Variants in FBH1 observed in about 807,000 individuals in gnomAD.
FBH1 encodes the protein F-box DNA helicase 1, also known as DNA 3'-5' helicase 1.
FBH1 carries 43 observed loss-of-function variants against 115.5 expected under a neutral mutation model. The ratio of observed to expected loss-of-function variants is 0.37; its 90% CI spans 0.29 to 0.48. The LOEUF (loss-of-function observed/expected upper bound fraction) is 0.48, where lower values mean the gene tolerates loss of function less well. Ranked by LOEUF, FBH1 falls within the 20% of genes least tolerant of loss-of-function variation. FBH1 has a pLI of 0.99. For missense variants in FBH1, 1,001 were observed against 1,337.3 expected (o/e 0.75, Z 3.92); for synonymous variants, 524 against 507.8 (o/e 1.03, Z -0.43).
At chr10:5,892,561 G>A (rs1842793086) in intron 1 of FBH1, among the ~76,000 whole-genome samples, 1 of 152,152 alleles carries the variant, frequency 6.6e-6, no homozygotes. Context: ...TCATTCACAT[G>A]CCTTTTGAAG....
At position 5,936,466 on chromosome 10, in the gene FBH1, T is replaced by C; in HGVS notation, c.2840T>C (p.Leu947Ser). 1 of 1,613,870 alleles carries C rather than the reference T, an allele frequency of 6.2e-7. No individual in the cohort carries two copies. The highest frequency in any genetic ancestry group is 8.5e-7 in the Non-Finnish European group (1 of 1,179,924). ...NILTLAGEYF[L>S]QAELTSNVLK... ...CTCTTTCTTTCTCAGGAGTACTTCT[T>C]GCAAGCAGAGCTGACAAGCAACGTC... The change falls in exon 20 of 21, where the codon TTG becomes TCG. Residue 947 changes from leucine (L) to serine (S), a missense_variant. Physicochemically the swap from Leu to Ser is moderately radical, Grantham distance 145 (BLOSUM62 -2). Coordinates refer to ENST00000362091, the MANE Select transcript of FBH1 (RefSeq NM_178150.3). This position sits in a 1 kb window ranked among gnomAD's most constrained non-coding sequence, Gnocchi z 5.6.
intron 19 of FBH1, chr10:5,929,331 T>G (rs1832836326): frequency 6.6e-6 from 1 of 152,228 alleles, no homozygotes; most frequent in African/African-American, 2.4e-5. Flanking sequence ...TTAGCTTGCA[T>G]GTGTATCCCA....
Position 5,914,059 on chromosome 10 carries a change from G to A in FBH1, c.1305-119G>A, listed in dbSNP as rs1831775627. On this transcript the variant is annotated intron_variant, in intron 7 of 20. Transcript: ENST00000362091. The surrounding 1 kb of genome is among the most constrained non-coding windows in gnomAD (Gnocchi z 5.2). Reference sequence around the variant, plus strand: ...GAACATGTTTATTCTCGTAAGGGGAGGCCTTTTTTTTGGTCAGCTTTTGTT... The same window carrying A: ...GAACATGTTTATTCTCGTAAGGGGAAGCCTTTTTTTTGGTCAGCTTTTGTT... The A allele has an allele frequency of 1.0e-6, 1 of 967,396 alleles. No individual in the cohort carries two copies. Among genetic ancestry groups the A allele is most frequent in the Non-Finnish European group, 1.6e-6 (1 of 628,440 alleles). 59.9% of individuals were successfully genotyped at this position (967,396 alleles called of 1,614,324 possible).
intron 2 of FBH1, among the ~76,000 whole-genome samples, chr10:5,903,578 C>G (rs1028598802): frequency 6.6e-6 from 1 of 152,110 alleles, no homozygotes; most frequent in Admixed American, 6.5e-5. Flanking sequence ...ATCCACCCGC[C>G]TCGGCCTCCC....
In FBH1 at chr10:5,937,098, C is replaced by T. The variant is rs536562830; in HGVS notation, c.2962-12C>T. On this transcript the variant is annotated splice_polypyrimidine_tract_variant and intron_variant, in intron 20 of 20. Coordinates refer to ENST00000362091, the MANE Select transcript of FBH1 (RefSeq NM_178150.3). ...TGTTCCCCTTAGCTCTCTCTCTTGTCCATCACCACAGAGCAACAGGAAGGA... is the reference window on the plus strand; with the variant it reads ...TGTTCCCCTTAGCTCTCTCTCTTGTTCATCACCACAGAGCAACAGGAAGGA... 1.0e-5 allele frequency: 16 copies of T among 1,584,698 alleles called. No homozygotes were observed. In the South Asian group the frequency reaches 1.8e-4, roughly 18 times the overall value.
rs1489357871 is a variant in FBH1 at position 5,918,438 on chromosome 10, T to C, written c.2060T>C (p.Leu687Pro). 1 of 1,610,374 alleles carries C rather than the reference T, an allele frequency of 6.2e-7. No homozygotes were observed. The highest frequency in any genetic ancestry group is 8.5e-7 in the Non-Finnish European group (1 of 1,178,974). Residue 687 changes from leucine (L) to proline (P), a missense_variant, in exon 13 of 21, where the codon CTG (leucine) becomes CCG (proline). Physicochemically the swap from Leu to Pro is moderately conservative, Grantham distance 98. Transcript: ENST00000362091. The surrounding 1 kb of genome is among the most constrained non-coding windows in gnomAD (Gnocchi z 4.0). The part of the protein sequence containing the change: ...IYTFRGAVNA[L>P]FTVPHTHVFY... ...ACCTTCCGGGGTGCGGTCAACGCCC[T>C]GTTCACAGTGCCCCACACCCACGTC...
chr10:5,925,383 T>G lies in FBH1; in HGVS notation c.2613T>G (p.Thr871=). ...DLDFAEYILG[T]VHKAKGLEFD... ...TTATCCTAGAGTACATTCTGGGCAC[T>G]GTGCACAAAGCCAAAGGCCTGGAGT... The change falls in exon 18 of 21, where the codon ACT becomes ACG. Residue 871 remains threonine (T), a synonymous_variant. Coordinates refer to ENST00000362091, the MANE Select transcript of FBH1 (RefSeq NM_178150.3). The surrounding 1 kb of genome is among the most constrained non-coding windows in gnomAD (Gnocchi z 4.6). 1.2e-6 allele frequency: 2 copies of G among 1,614,182 alleles called. No homozygotes were observed. The highest frequency in any genetic ancestry group is 1.7e-6 in the Non-Finnish European group (2 of 1,180,016).
rs768860092 is a variant in FBH1, at chr10:5,917,566, C to T, written c.1877-24C>T. Reference sequence around the variant, plus strand: ...TGGGACTGCCTTCCTGGCGTTACAACTCCTGCGTCTCTCCTTATTTTAGGC... The same window carrying T: ...TGGGACTGCCTTCCTGGCGTTACAATTCCTGCGTCTCTCCTTATTTTAGGC... On this transcript the variant is annotated intron_variant, in intron 11 of 20. Transcript: ENST00000362091. This position sits in a 1 kb window ranked among gnomAD's most constrained non-coding sequence, Gnocchi z 5.6. 6.2e-7 allele frequency: 1 copy of T among 1,613,718 alleles called. No individual in the cohort carries two copies. Among genetic ancestry groups the T allele is most frequent in the Non-Finnish European group, 8.5e-7 (1 of 1,179,708 alleles).
At position 5,910,615 on chromosome 10, in the gene FBH1, C is replaced by CT. The variant is rs1831522727; in HGVS notation, c.1021-322dup. On this transcript the variant is annotated intron_variant, in intron 5 of 20. Coordinates refer to ENST00000362091, the MANE Select transcript of FBH1 (RefSeq NM_178150.3). The surrounding 1 kb of genome is among the most constrained non-coding windows in gnomAD (Gnocchi z 4.8). Reference sequence around the variant, plus strand: ...ATATGGACCTGAGAGCCCCCATGGCCTGGAGAGTAGGGTGGGGAGATGACA... The same window carrying CT: ...ATATGGACCTGAGAGCCCCCATGGCCTTGGAGAGTAGGGTGGGGAGATGACA... Among the ~76,000 whole-genome samples the CT allele has an allele frequency of 6.6e-6, 1 of 152,094 alleles. No individual in the cohort carries two copies. Among genetic ancestry groups the CT allele is most frequent in the Non-Finnish European group, 1.5e-5 (1 of 68,024 alleles).
chr10:5,898,715 C>T (rs1023656592), intron 1 of FBH1, among the ~76,000 whole-genome samples: 3 of 152,186 alleles, frequency 2.0e-5, no homozygotes, highest in Admixed American at 2.0e-4. Flanking sequence ...TGGCCCAGAG[C>T]CCCACCACTT....
rs188884675 is a variant in FBH1, at chr10:5,901,121, G to C, written c.2-1899G>C. Reference sequence around the variant, plus strand: ...CAAAAAAAGAAAAAAGAAAAAAAAAGAAATGTTGAGTGAGATTCTGGCATT... The same window carrying C: ...CAAAAAAAGAAAAAAGAAAAAAAAACAAATGTTGAGTGAGATTCTGGCATT... On this transcript the variant is annotated intron_variant, in intron 1 of 20. Coordinates refer to ENST00000362091, the MANE Select transcript of FBH1 (RefSeq NM_178150.3). Among the ~76,000 whole-genome samples the C allele has an allele frequency of 1.7e-3, 259 of 150,966 alleles. 1 individual carries two copies. Among genetic ancestry groups the C allele is most frequent in the Middle Eastern group, 3.4e-3 (1 of 290 alleles).
At chr10:5,908,416 T>C (rs1843857829) in intron 3 of FBH1, among the ~76,000 whole-genome samples, 1 of 152,222 alleles carries the variant, frequency 6.6e-6, no homozygotes, top group Non-Finnish European at 1.5e-5. Context: ...AGCTATAGTT[T>C]TTCCCAGATT....
chr10:5,925,300 A>G lies in FBH1; in HGVS notation c.2597-67A>G. The stretch of plus-strand genomic sequence containing the variant: ...GTTCAGAGTCAAGTGGGAAACATGT[A>G]TGTTTTTGTCATCTTGTTTCTTTCC... On this transcript the variant is annotated intron_variant, in intron 17 of 20. Transcript: ENST00000362091. This position sits in a 1 kb window ranked among gnomAD's most constrained non-coding sequence, Gnocchi z 4.6. 6.3e-7 allele frequency: 1 copy of G among 1,577,624 alleles called. No homozygotes were observed. The highest frequency in any genetic ancestry group is 1.8e-5 in the Admixed American group (1 of 56,682).
At chr10:5,920,836 A>C (rs1450096563) in intron 13 of FBH1, among the ~76,000 whole-genome samples, 1 of 152,160 alleles carries the variant, frequency 6.6e-6, no homozygotes, top group Non-Finnish European at 1.5e-5. Flanking sequence ...TCAGACAGAA[A>C]ACCGCGTGGG....
At position 5,909,176 on chromosome 10, in the gene FBH1, A is replaced by T. The variant is rs1463882899; in HGVS notation, c.902A>T (p.Lys301Met). The change falls in exon 5 of 21, where the codon AAG becomes ATG. Residue 301 changes from lysine (K) to methionine (M), a missense_variant. Lys to Met is a moderately conservative substitution (Grantham distance 95). Transcript: ENST00000362091. The surrounding 1 kb of genome is among the most constrained non-coding windows in gnomAD (Gnocchi z 4.4). ...LNLIRYTATT[K>M]CSPSVDPERV... ...TCTTACAGATACACAGCCACCACTA[A>T]GTGCTCTCCGAGTGTGGATCCCGAG... 6.2e-7 allele frequency: 1 copy of T among 1,613,716 alleles called. No individual in the cohort carries two copies. Among genetic ancestry groups the T allele is most frequent in the Non-Finnish European group, 8.5e-7 (1 of 1,179,990 alleles).
At chr10:5,907,884 T>A (rs936240912) in intron 3 of FBH1, among the ~76,000 whole-genome samples, 2 of 152,234 alleles carry the variant, frequency 1.3e-5, no homozygotes, top group African/African-American at 4.8e-5. Flanking sequence ...ATATAATAAC[T>A]TAAGTGGTTT....
rs752538687 is a variant in FBH1 at position 5,917,531 on chromosome 10, G to A, written c.1876+24G>A. The A allele has an allele frequency of 2.5e-6, 4 of 1,613,692 alleles. No homozygotes were observed. Among genetic ancestry groups the A allele is most frequent in the Non-Finnish European group, 2.5e-6 (3 of 1,179,604 alleles). ...CGGTAGGCGGCTGCCGAATGGCGGG[G>A]ACTGGCCAATGGGACTGCCTTCCTG... On this transcript the variant is annotated intron_variant, in intron 11 of 20. Transcript: ENST00000362091. The surrounding 1 kb of genome is among the most constrained non-coding windows in gnomAD (Gnocchi z 5.6).
chr10:5,929,483 T>G (rs1285182055), intron 19 of FBH1: 1 of 152,238 alleles, frequency 6.6e-6, no homozygotes, highest in Non-Finnish European at 1.5e-5. Context: ...GTGCAACAGC[T>G]TAAGCGTCAG....
In FBH1 at chr10:5,895,209, G is replaced by T; in HGVS notation, c.1+4863G>T. ...GAAAGTAAGAGGCATGTGGGAAACT[G>T]ACCAGGGCGGTTAGCTGACTCCAAA... On this transcript the variant is annotated intron_variant, in intron 1 of 20. Coordinates refer to ENST00000362091, the MANE Select transcript of FBH1 (RefSeq NM_178150.3). The surrounding 1 kb of genome is among the most constrained non-coding windows in gnomAD (Gnocchi z 5.0). 2 of 1,602,936 alleles carry T rather than the reference G, an allele frequency of 1.2e-6. No homozygotes were observed. Among genetic ancestry groups the T allele is most frequent in the South Asian group, 2.2e-5 (2 of 90,186 alleles).
Sources: allele counts gnomAD v4.1 joint callset (sites outside exome capture counted in the v4.1 genomes callset), GRCh38; gene constraint gnomAD v4.1.1; non-coding constraint Gnocchi (gnomAD v3.1); transcripts MANE v1.5; gene names NCBI Gene and HGNC (gene_info 2026-07-23, HGNC 2026-07-21).